MASTL: variants seen among roughly 807,000 people sequenced by gnomAD.
MASTL encodes the protein microtubule associated serine/threonine kinase like.
In MASTL, 54 loss-of-function variants were observed where a neutral mutation model predicts 82.5. The observed-to-expected ratio is 0.65, with a 90% CI of 0.53 to 0.82. The LOEUF (loss-of-function observed/expected upper bound fraction) is 0.82. Among genes scored for constraint, MASTL ranks in the 40% least tolerant of loss-of-function variants. MASTL has a pLI of 0.00. For missense variants in MASTL, 950 were observed against 1,047.8 expected (o/e 0.91, Z 1.29); for synonymous variants, 323 against 368.9 (o/e 0.88, Z 1.43).
chr10:27,166,676 C>T (rs10458708), intron 6 of MASTL, among the ~76,000 whole-genome samples: 103,070 of 151,938 alleles, frequency 0.68, 35,209 homozygotes, highest in African/African-American at 0.72. Flanking sequence ...ATGAGAGTAT[C>T]GCTTGAGCCC....
intron 3 of MASTL, 113 bp from the exon 4 acceptor site, chr10:27,160,981 T>G (rs965882109): frequency 5.4e-6 from 4 of 743,656 alleles, no homozygotes; most frequent in Non-Finnish European, 9.7e-6. Context: ...AGTATCTTTA[T>G]TTTGGAGGAA....
At chr10:27,163,509 C>T (rs1460987147) in intron 4 of MASTL, among the ~76,000 whole-genome samples, 1 of 151,886 alleles carries the variant, frequency 6.6e-6, no homozygotes, top group Non-Finnish European at 1.5e-5. Context: ...TTTAATAAAA[C>T]TTTTTTTGTA....
rs762516083 is a variant in MASTL at position 27,170,391 on chromosome 10, A to G, written c.1432A>G (p.Thr478Ala). 2.5e-6 allele frequency: 4 copies of G among 1,614,078 alleles called. No homozygotes were observed. Among genetic ancestry groups the G allele is most frequent in the Admixed American group, 1.7e-5 (1 of 60,028 alleles). Reference protein sequence around the residue: ...YKHNEMTNCYTNQNTGLTVEV... With the variant: ...YKHNEMTNCYANQNTGLTVEV... The stretch of plus-strand genomic sequence containing the variant: ...GCATAACGAAATGACAAATTGTTAT[A>G]CAAATCAAAATACAGGCTTAACAGT... The change falls in exon 8 of 12, where the codon ACA becomes GCA. Residue 478 changes from threonine to alanine, a missense_variant. By Grantham distance (58) the Thr-to-Ala change is moderately conservative. Coordinates refer to ENST00000375940, the MANE Select transcript of MASTL (RefSeq NM_001172303.3).
chr10:27,163,006 T>C (rs934600703), intron 4 of MASTL, among the ~76,000 whole-genome samples: 4 of 151,884 alleles, frequency 2.6e-5, no homozygotes, highest in Non-Finnish European at 4.4e-5. Flanking sequence ...AACATCCACC[T>C]CCCGGGTTCA....
chr10:27,159,723 T>C lies in MASTL; in HGVS notation c.429T>C (p.Ala143=). The C allele has an allele frequency of 6.2e-7, 1 of 1,611,810 alleles. No homozygotes were observed. Among genetic ancestry groups the C allele is most frequent in the Non-Finnish European group, 8.5e-7 (1 of 1,178,092 alleles). ...AATATATTTCTGAAGTAGCACTGGC[T>C]CTAGACTACCTTCACAGACATGGAA... ...AVKYISEVAL[A]LDYLHRHGII... The change falls in exon 3 of 12, where the codon GCT becomes GCC. Residue 143 remains alanine, a synonymous_variant. Coordinates refer to ENST00000375940, the MANE Select transcript of MASTL (RefSeq NM_001172303.3). This position sits in a 1 kb window ranked among gnomAD's most constrained non-coding sequence, Gnocchi z 4.0.
chr10:27,169,408 A>G (rs1407347651), intron 7 of MASTL, among the ~76,000 whole-genome samples: 1 of 151,996 alleles, frequency 6.6e-6, no homozygotes, highest in Non-Finnish European at 1.5e-5. Flanking sequence ...ACTTAAAAAA[A>G]ATTATGCAAA....
At chr10:27,155,076 G>C (rs991450919), upstream of MASTL, 2 of 291,196 alleles carry the variant, frequency 6.9e-6, no homozygotes, top group Non-Finnish European at 1.3e-5. Flanking sequence ...CTTCCCACCA[G>C]CCTCGTTGGG....
In MASTL at chr10:27,159,765, A is replaced by T; in HGVS notation, c.464+7A>T. On this transcript the variant is annotated splice_region_variant and intron_variant, in intron 3 of 11. Coordinates refer to ENST00000375940, the MANE Select transcript of MASTL (RefSeq NM_001172303.3). The surrounding 1 kb of genome is among the most constrained non-coding windows in gnomAD (Gnocchi z 4.0). ...GACATGGAATCATCCACAGGTAAAG[A>T]CTGACTTCTCCAAATTATTACTTAA... The T allele has an allele frequency of 6.2e-7, 1 of 1,609,504 alleles. No homozygotes were observed.
rs1564475979 is a variant in MASTL at position 27,155,380 on chromosome 10, G to C, written c.-47G>C. The C allele has an allele frequency of 1.9e-6, 3 of 1,542,562 alleles. No individual in the cohort carries two copies. The highest frequency in any genetic ancestry group is 2.6e-6 in the Non-Finnish European group (3 of 1,141,890). On this transcript the variant is annotated 5_prime_UTR_variant, in exon 1 of 12. Coordinates refer to ENST00000375940, the MANE Select transcript of MASTL (RefSeq NM_001172303.3). Reference sequence around the variant, plus strand: ...TTGAACCCAGTTGGCGGGAGTGGCTGCTCGCGGAGGGGCAGTGTCTGCGGG... The same window carrying C: ...TTGAACCCAGTTGGCGGGAGTGGCTCCTCGCGGAGGGGCAGTGTCTGCGGG...
In MASTL at chr10:27,159,511, GTTTCA is replaced by G; in HGVS notation, c.325-105_325-101del. ...TTACGAGTAATAGCAAGAAAAGGTC[GTTTCA>G]TTACAGAGCCATGCCAAATATTGTA... On this transcript the variant is annotated intron_variant, in intron 2 of 11. Transcript: ENST00000375940. This position sits in a 1 kb window ranked among gnomAD's most constrained non-coding sequence, Gnocchi z 4.0. 1 of 730,196 alleles carries G rather than the reference GTTTCA, an allele frequency of 1.4e-6. No homozygotes were observed. The highest frequency in any genetic ancestry group is 2.3e-6 in the Non-Finnish European group (1 of 429,540). 45.2% of individuals were successfully genotyped at this position (730,196 alleles called of 1,614,324 possible).
At chr10:27,182,748 A>T (rs1340817416) in intron 11 of MASTL, among the ~76,000 whole-genome samples, 1 of 150,818 alleles carries the variant, frequency 6.6e-6, no homozygotes, top group Non-Finnish European at 1.5e-5. Flanking sequence ...GGCTCAAAAA[A>T]AATTATTTAT....
Position 27,186,406 on chromosome 10 carries a change from A to G in MASTL, c.2510A>G (p.Asp837Gly). 6.2e-7 allele frequency: 1 copy of G among 1,614,114 alleles called. No homozygotes were observed. Among genetic ancestry groups the G allele is most frequent in the Non-Finnish European group, 8.5e-7 (1 of 1,180,016 alleles). Residue 837 changes from aspartate (D) to glycine (G), a missense_variant, in exon 12 of 12, where the codon GAT becomes GGT. By Grantham distance (94) the Asp-to-Gly change is moderately conservative (BLOSUM62 -1). Coordinates refer to ENST00000375940, the MANE Select transcript of MASTL (RefSeq NM_001172303.3). ...CTAAAACGTCATCCTCTCTTCAGTGATGTGGACTGGGAAAATCTGCAGCAT... is the reference window on the plus strand; with the variant it reads ...CTAAAACGTCATCCTCTCTTCAGTGGTGTGGACTGGGAAAATCTGCAGCAT... ...KELKRHPLFS[D>G]VDWENLQHQT...
chr10:27,155,311 CG>C, upstream of MASTL: 1 of 1,030,310 alleles, frequency 9.7e-7, no homozygotes, highest in South Asian at 1.6e-5. Flanking sequence ...GGCGCGGCGG[CG>C]GGGTGACGTC....
At chr10:27,161,368 C>T (rs536662092) in intron 4 of MASTL, among the ~76,000 whole-genome samples, 186 bp downstream of exon 4, 24 of 151,890 alleles carry the variant, frequency 1.6e-4, no homozygotes, top group African/African-American at 3.6e-4. Flanking sequence ...ATTAGCTGGG[C>T]GTGGTGGCAT....
Position 27,155,546 on chromosome 10 carries a change from CA to C in MASTL, c.121del (p.Ile41LeufsTer21). The C allele has an allele frequency of 6.2e-7, 1 of 1,614,170 alleles. No homozygotes were observed. The highest frequency in any genetic ancestry group is 1.1e-5 in the South Asian group (1 of 91,086). On this transcript the variant is annotated frameshift_variant, in exon 1 of 12. Transcript: ENST00000375940. LOFTEE classifies it high-confidence loss of function. ...SIEEFSIVKP[I>X]SRGAFGKVYL... ...TTGAGGAATTCAGCATAGTGAAGCC[CA>C]TTAGCCGGGGCGCCTTCGGGAAAGT...
chr10:27,183,583 G>T (rs2058453817), intron 11 of MASTL, among the ~76,000 whole-genome samples: 1 of 152,068 alleles, frequency 6.6e-6, no homozygotes, highest in Admixed American at 6.6e-5. Flanking sequence ...AACGAGGTAT[G>T]GTAATATAGA....
chr10:27,168,205 CAG>C (rs779520099), intron 7 of MASTL, among the ~76,000 whole-genome samples: 18 of 152,264 alleles, frequency 1.2e-4, no homozygotes, highest in Non-Finnish European at 1.5e-4. Context: ...TTAACTAAGG[CAG>C]AGTTTCTTAA....
intron 6 of MASTL, among the ~76,000 whole-genome samples, chr10:27,166,401 G>A (rs572473531): frequency 4.6e-5 from 7 of 152,210 alleles, no homozygotes; most frequent in African/African-American, 7.2e-5. Context: ...CTTATAGCAC[G>A]TCTGGATATA....
intron 9 of MASTL, among the ~76,000 whole-genome samples, chr10:27,174,116 A>C (rs1395122398): frequency 6.6e-6 from 1 of 151,726 alleles, no homozygotes; most frequent in Admixed American, 6.6e-5. Context: ...GCACTTCGGG[A>C]GGCCAAGGCA....
Sources: gnomAD v4.1 joint callset for allele counts (sites outside exome capture counted in the v4.1 genomes callset) on GRCh38, gnomAD v4.1.1 for gene constraint, Gnocchi (gnomAD v3.1) non-coding constraint, MANE v1.5 for transcripts, NCBI Gene and HGNC (gene_info 2026-07-23, HGNC 2026-07-21) for gene names.